EDIL3: variants seen among roughly 807,000 people sequenced by gnomAD.
The protein encoded by EDIL3 is EGF like and discoidin domains 3.
EDIL3 carries 37 observed loss-of-function variants against 67.4 expected under a neutral mutation model. The ratio of observed to expected loss-of-function variants is 0.55; its 90% CI spans 0.42 to 0.72. The LOEUF (loss-of-function observed/expected upper bound fraction) is 0.72. Among genes scored for constraint, EDIL3 ranks in the 30% least tolerant of loss-of-function variants. EDIL3 has a pLI of 0.00. For missense variants in EDIL3, 527 were observed against 586.3 expected (o/e 0.90, Z 1.04); for synonymous variants, 195 against 196.3 (o/e 0.99, Z 0.05).
chr5:84,124,306 C>G (rs1333203220), intron 5 of EDIL3, among the ~76,000 whole-genome samples: 1 of 151,898 alleles, frequency 6.6e-6, no homozygotes, highest in African/African-American at 2.4e-5. Flanking sequence ...TGCATAGCCT[C>G]TGATGGTATG....
intron 9 of EDIL3, among the ~76,000 whole-genome samples, chr5:84,021,648 G>A (rs920707570): frequency 3.3e-5 from 5 of 151,904 alleles, no homozygotes; most frequent in African/African-American, 7.2e-5. Context: ...TGTTCTATGC[G>A]CTGATGAGAA....
intron 4 of EDIL3, among the ~76,000 whole-genome samples, chr5:84,141,916 TATATATAC>T (rs1748197605): frequency 9.6e-6 from 1 of 104,418 alleles, no homozygotes; most frequent in African/African-American, 3.7e-5. Context: ...CATATATATA[TATATATAC>T]ACATATATAT....
intron 1 of EDIL3, among the ~76,000 whole-genome samples, chr5:84,362,326 T>C (rs1747626918): frequency 6.6e-6 from 1 of 152,102 alleles, no homozygotes; most frequent in Non-Finnish European, 1.5e-5. Flanking sequence ...TATTACACCA[T>C]GTGAATAAGG....
At chr5:84,256,325 G>A (rs540462755) in intron 1 of EDIL3, among the ~76,000 whole-genome samples, 35 of 152,208 alleles carry the variant, frequency 2.3e-4, no homozygotes, top group African/African-American at 8.4e-4. Flanking sequence ...AGCTTAGTGG[G>A]AGAGATAAAA....
At chr5:84,221,195 A>G (rs1744334260) in intron 3 of EDIL3, among the ~76,000 whole-genome samples, 1 of 152,208 alleles carries the variant, frequency 6.6e-6, no homozygotes, top group African/African-American at 2.4e-5. Flanking sequence ...TTAAGGCTGT[A>G]CCATGAGAGA....
At chr5:83,999,969 C>A (rs532487318) in intron 9 of EDIL3, among the ~76,000 whole-genome samples, 11 of 151,368 alleles carry the variant, frequency 7.3e-5, no homozygotes, top group Non-Finnish European at 1.6e-4. Flanking sequence ...ACTTTACAGG[C>A]CAGAAGAGAG....
intron 3 of EDIL3, among the ~76,000 whole-genome samples, chr5:84,206,073 C>G (rs1252382131): frequency 2.4e-4 from 36 of 151,278 alleles, no homozygotes; most frequent in Non-Finnish European, 4.7e-4. Context: ...TCCCTCTACA[C>G]ACTGCTTTGA....
At chr5:84,340,530 C>CTA (rs1352790553) in intron 1 of EDIL3, among the ~76,000 whole-genome samples, 40 of 69,752 alleles carry the variant, frequency 5.7e-4, no homozygotes, top group South Asian at 1.2e-3. Context: ...CTCTCTCTCT[C>CTA]TCTCTATATA....
Position 84,382,713 on chromosome 5 carries a change from A to G in EDIL3, c.67+1595T>C, listed in dbSNP as rs185078203. On this transcript the variant is annotated intron_variant, in intron 1 of 10. Transcript: ENST00000296591. ...CAGCCGTGGAAGCACTCTCTTTTTTATATCGCTGGAGACTCGGCCGAGCAA... is the reference window on the plus strand; with the variant it reads ...CAGCCGTGGAAGCACTCTCTTTTTTGTATCGCTGGAGACTCGGCCGAGCAA... Among the ~76,000 whole-genome samples the G allele has an allele frequency of 2.6e-5, 4 of 152,264 alleles. No individual in the cohort carries two copies. In the East Asian group the frequency reaches 7.7e-4, roughly 29 times the overall value.
At chr5:84,225,961 A>C (rs1744443958) in intron 3 of EDIL3, among the ~76,000 whole-genome samples, 1 of 151,680 alleles carries the variant, frequency 6.6e-6, no homozygotes, top group Non-Finnish European at 1.5e-5. Context: ...GCAGTAAAAA[A>C]CGCTATTTAT....
intron 9 of EDIL3, among the ~76,000 whole-genome samples, chr5:84,057,302 ATTTG>A (rs1746465008): frequency 6.6e-6 from 1 of 152,120 alleles, no homozygotes; most frequent in South Asian, 2.1e-4. Flanking sequence ...ATGTAAAAAT[ATTTG>A]TTTAATTTTT....
chr5:84,193,777 G>A (rs1416203577), intron 3 of EDIL3, among the ~76,000 whole-genome samples: 1 of 151,948 alleles, frequency 6.6e-6, no homozygotes, highest in African/African-American at 2.4e-5. Context: ...TTGGAATGAT[G>A]TTATGCTCCT....
At chr5:84,331,528 C>T (rs761853603) in intron 1 of EDIL3, among the ~76,000 whole-genome samples, 1 of 152,156 alleles carries the variant, frequency 6.6e-6, no homozygotes, top group African/African-American at 2.4e-5. Context: ...CTCATTCCTG[C>T]TGCAATGTGT....
At chr5:84,238,843 A>G (rs1744734729) in intron 2 of EDIL3, among the ~76,000 whole-genome samples, 1 of 152,072 alleles carries the variant, frequency 6.6e-6, no homozygotes, top group African/African-American at 2.4e-5. Flanking sequence ...CTGATAAAAA[A>G]GTAGACAGGC....
intron 6 of EDIL3, among the ~76,000 whole-genome samples, chr5:84,088,053 T>A (rs935073763): frequency 6.6e-6 from 1 of 152,172 alleles, no homozygotes; most frequent in African/African-American, 2.4e-5. Context: ...TGAAATCAAA[T>A]AGCTTTTTCT....
At chr5:84,014,205 T>G (rs1745562166) in intron 9 of EDIL3, among the ~76,000 whole-genome samples, 1 of 152,208 alleles carries the variant, frequency 6.6e-6, no homozygotes, top group Non-Finnish European at 1.5e-5. Flanking sequence ...TACCGCTGAT[T>G]CTGGCTGTTT....
At chr5:84,022,211 C>T (rs1745730927) in intron 9 of EDIL3, among the ~76,000 whole-genome samples, 1 of 151,764 alleles carries the variant, frequency 6.6e-6, no homozygotes, top group Non-Finnish European at 1.5e-5. Context: ...AAATACAATA[C>T]ACCATAACCA....
intron 6 of EDIL3, among the ~76,000 whole-genome samples, chr5:84,100,268 C>G (rs1431814451): frequency 6.6e-6 from 1 of 152,134 alleles, no homozygotes; most frequent in Non-Finnish European, 1.5e-5. Context: ...TATAAAGACA[C>G]ATGCACATGT....
intron 5 of EDIL3, among the ~76,000 whole-genome samples, chr5:84,132,554 T>A (rs1399727483): frequency 1.1e-5 from 1 of 89,870 alleles, no homozygotes; most frequent in Non-Finnish European, 2.2e-5. Flanking sequence ...TAATATATAT[T>A]TTATATATTT....
Sources: allele counts gnomAD v4.1 joint callset (sites outside exome capture counted in the v4.1 genomes callset), GRCh38; gene constraint gnomAD v4.1.1; transcripts MANE v1.5; gene names NCBI Gene and HGNC (gene_info 2026-07-23, HGNC 2026-07-21).